EPG5: variants seen among roughly 807,000 people sequenced by gnomAD.
EPG5 encodes ectopic P-granules 5 autophagy tethering factor.
Under a neutral mutation model 302.7 loss-of-function variants are expected in EPG5, and 159 were observed. The ratio of observed to expected loss-of-function variants is 0.53; its 90% CI spans 0.46 to 0.60. EPG5 has a LOEUF of 0.60. Ranked by LOEUF, EPG5 falls within the 20% of genes least tolerant of loss-of-function variation. The pLI is 0.00. For missense variants in EPG5, 2,896 were observed against 3,092.4 expected, an observed-to-expected ratio of 0.94 and a Z score of 1.51; for synonymous variants, 1,158 against 1,136.8, an observed-to-expected ratio of 1.02 and a Z score of -0.37.
At chr18:45,836,312 T>C in the EPG5 span, among the ~76,000 whole-genome samples, 1 of 152,140 alleles carries the variant, frequency 6.6e-6, no homozygotes, top group African/African-American at 2.4e-5. Flanking sequence ...TGACATGGTA[T>C]CTATGAAAGC....
At position 45,951,185 on chromosome 18, in the gene EPG5, T is replaced by C. The variant is rs766900458; in HGVS notation, c.1306A>G (p.Ile436Val). Reference sequence around the variant, plus strand: ...CTGGTGAACATGAATAAGACACTAATGCATTCCTTTAGTTGACACAGATCA... The same window carrying C: ...CTGGTGAACATGAATAAGACACTAACGCATTCCTTTAGTTGACACAGATCA... ...PSDLCQLKECISVLFMFTRRV... is the reference protein window; with the variant it reads ...PSDLCQLKECVSVLFMFTRRV... The change falls in exon 4 of 44, where the codon ATT (isoleucine) becomes GTT (valine). Residue 436 changes from isoleucine (I) to valine (V), a missense_variant. By Grantham distance (29) the Ile-to-Val change is conservative. Around this residue, in one of 5 missense-constraint regions of EPG5, gnomAD observed 1,390 missense variants for 1,430.0 expected, o/e 0.97. Transcript: ENST00000282041. 1.3e-6 allele frequency: 2 copies of C among 1,593,566 alleles called. No individual in the cohort carries two copies. Among genetic ancestry groups the C allele is most frequent in the South Asian group, 1.2e-5 (1 of 86,122 alleles).
the EPG5 span, among the ~76,000 whole-genome samples, chr18:45,820,337 A>C: frequency 1.3e-5 from 2 of 152,154 alleles, no homozygotes; most frequent in African/African-American, 4.8e-5. Flanking sequence ...TCCCCATGTC[A>C]TGTATTAGGA....
chr18:45,863,720 C>A (rs897327279), intron 39 of EPG5, among the ~76,000 whole-genome samples: 2 of 152,202 alleles, frequency 1.3e-5, no homozygotes, highest in African/African-American at 2.4e-5. Context: ...TGTTATCCCA[C>A]TGTCTTACAG....
the EPG5 span, among the ~76,000 whole-genome samples, chr18:45,819,678 GT>G: frequency 6.6e-6 from 1 of 152,170 alleles, no homozygotes; most frequent in Admixed American, 6.5e-5. Context: ...GTGTTAATTA[GT>G]TCACCAATTG....
intron 39 of EPG5, among the ~76,000 whole-genome samples, chr18:45,864,128 G>A (rs1255216015): frequency 6.6e-6 from 1 of 152,008 alleles, no homozygotes; most frequent in African/African-American, 2.4e-5. Context: ...TTTAGAGATG[G>A]GGTCTCACTA....
intron 40 of EPG5, among the ~76,000 whole-genome samples, chr18:45,859,768 C>A (rs2048592509): frequency 6.6e-6 from 1 of 152,172 alleles, no homozygotes; most frequent in Admixed American, 6.5e-5. Context: ...TGGTATATAG[C>A]ATTTGTTCTG....
At chr18:45,840,240 C>A in the EPG5 span, 1 of 1,612,244 alleles carries the variant, frequency 6.2e-7, no homozygotes, top group African/African-American at 1.3e-5. Context: ...CACCCCACCA[C>A]GGTAAGTGAG....
At chr18:45,813,352 G>C in the EPG5 span, among the ~76,000 whole-genome samples, 5 of 152,242 alleles carry the variant, frequency 3.3e-5, no homozygotes, top group Admixed American at 3.3e-4. Context: ...GTGGAAGTCA[G>C]TGTGGCGATT....
chr18:45,809,592 G>A, the EPG5 span, among the ~76,000 whole-genome samples: 2 of 152,264 alleles, frequency 1.3e-5, no homozygotes, highest in Non-Finnish European at 2.9e-5. Context: ...GCAAATACAT[G>A]GAAATTAAAT....
intron 31 of EPG5, among the ~76,000 whole-genome samples, chr18:45,880,452 G>A (rs1056465881): frequency 3.9e-5 from 6 of 152,208 alleles, no homozygotes; most frequent in African/African-American, 1.4e-4. Context: ...CTGGGAGTGA[G>A]CGCTGCTGAA....
rs150914850 is a variant in EPG5 at position 45,960,240 on chromosome 18, A to G, written c.64-4902T>C. Among the ~76,000 whole-genome samples, 485 of 152,366 alleles carry G rather than the reference A, an allele frequency of 3.2e-3. 2 individuals carry two copies. The highest frequency in any genetic ancestry group is 0.011 in the African/African-American group (467 of 41,590). ...ATCAATTCCATGTGTATCAAGTAAC[A>G]TAATTTAAGCCAAAGGTATTTCCTT... On this transcript the variant is annotated intron_variant, in intron 1 of 43. Coordinates refer to ENST00000282041, the MANE Select transcript of EPG5 (RefSeq NM_020964.3).
rs2050336691 is a variant in EPG5 at position 45,928,929 on chromosome 18, G to A, written c.2493C>T (p.His831=). 6.2e-7 allele frequency: 1 copy of A among 1,613,624 alleles called. No homozygotes were observed. The highest frequency in any genetic ancestry group is 1.3e-5 in the African/African-American group (1 of 75,032). Residue 831 remains histidine (H), a synonymous_variant, in exon 13 of 44, where the codon CAC becomes CAT. Transcript: ENST00000282041. The part of the protein sequence containing the change: ...RELLGTITAV[H]PEIISVLLDR... ...CCAGAAGGACGGAAATTATCTCAGG[G>A]TGAACAGCTGTGATAGTCCCTAAAA...
chr18:45,946,513 C>T (rs2050786513), intron 7 of EPG5, 150 bp downstream of exon 7: 1 of 621,104 alleles, frequency 1.6e-6, no homozygotes, highest in South Asian at 2.0e-5. Flanking sequence ...TCAGTTTCCT[C>T]ATCTATAAAA....
At chr18:45,919,237 C>A (rs1443409253) in intron 16 of EPG5, among the ~76,000 whole-genome samples, 1 of 152,140 alleles carries the variant, frequency 6.6e-6, no homozygotes, top group Non-Finnish European at 1.5e-5. Context: ...CTTCTATATT[C>A]CAGTACACCT....
At chr18:45,923,526 ACAGT>A in intron 14 of EPG5, 139 bp from the exon 15 acceptor site, 1 of 879,744 alleles carries the variant, frequency 1.1e-6, no homozygotes, top group Non-Finnish European at 1.7e-6. Context: ...CACATCCCAC[ACAGT>A]CAAACTATAA....
intron 1 of EPG5, among the ~76,000 whole-genome samples, chr18:45,958,727 T>C (rs1168752456): frequency 6.6e-6 from 1 of 152,182 alleles, no homozygotes; most frequent in Non-Finnish European, 1.5e-5. Flanking sequence ...CAAAAAAATC[T>C]TTATAAACTT....
chr18:45,837,236 A>G, the EPG5 span: 125 of 1,377,006 alleles, frequency 9.1e-5, no homozygotes, highest in Non-Finnish European at 1.1e-4. Context: ...GTGAATTAGG[A>G]AACGAAGAGG....
At chr18:45,842,438 TGTGTGA>T in the EPG5 span, 31 of 496,786 alleles carry the variant, frequency 6.2e-5, no homozygotes, top group Middle Eastern at 5.4e-4. Flanking sequence ...TGTGTGTGTG[TGTGTGA>T]GAGAGAGAGA....
the EPG5 span, chr18:45,840,367 G>C: frequency 9.1e-7 from 1 of 1,104,338 alleles, no homozygotes; most frequent in South Asian, 1.7e-5. Context: ...TTGACCAGGG[G>C]CTGGGCCTTC....
Sources: gnomAD v4.1 joint callset for allele counts (sites outside exome capture counted in the v4.1 genomes callset) on GRCh38, gnomAD v4.1.1 for gene constraint, gnomAD v4.1.1 regional missense constraint, MANE v1.5 for transcripts, NCBI Gene and HGNC (gene_info 2026-07-23, HGNC 2026-07-21) for gene names.